Variants in PCTP observed in about 807,000 individuals in gnomAD.
The protein encoded by PCTP is phosphatidylcholine transfer protein, also known as START domain-containing protein 2.
In PCTP, 27 loss-of-function variants were observed where a neutral mutation model predicts 31.0. That is an observed-to-expected ratio of 0.87 (90% confidence interval 0.64 to 1.20). The LOEUF is 1.20. Among genes scored for constraint, PCTP ranks in the 50% most tolerant of loss-of-function variants. The pLI is 0.00. For synonymous variants in PCTP, 108 were observed against 101.2 expected, an observed-to-expected ratio of 1.07 and a Z score of -0.40; for missense variants, 287 against 268.2, an observed-to-expected ratio of 1.07 and a Z score of -0.49.
chr17:55,839,919 CAAAAAAA>C (rs57402824), intron 5 of PCTP, among the ~76,000 whole-genome samples: 5 of 12,506 alleles, frequency 4.0e-4, no homozygotes, highest in Non-Finnish European at 6.5e-4. Context: ...GACTCAGTCT[CAAAAAAA>C]AAAAAAAAAA....
intron 1 of PCTP, among the ~76,000 whole-genome samples, chr17:55,763,375 A>G (rs548500288): frequency 2.6e-5 from 4 of 152,186 alleles, no homozygotes; most frequent in Non-Finnish European, 5.9e-5. Flanking sequence ...AAGGTTTGTA[A>G]AAAGTATAAA....
intron 5 of PCTP, among the ~76,000 whole-genome samples, chr17:55,831,676 G>A (rs1249564974): frequency 6.6e-6 from 1 of 152,166 alleles, no homozygotes; most frequent in Non-Finnish European, 1.5e-5. Flanking sequence ...CTGTTCCAAC[G>A]TCAAGTTTAC....
chr17:55,819,079 C>T (rs977832604), intron 3 of PCTP, among the ~76,000 whole-genome samples: 11 of 143,674 alleles, frequency 7.7e-5, no homozygotes, highest in South Asian at 4.4e-4. Flanking sequence ...AAGAAAACAG[C>T]GGCATTGTTG....
At chr17:55,848,156 C>T in the PCTP span, among the ~76,000 whole-genome samples, 1 of 152,166 alleles carries the variant, frequency 6.6e-6, no homozygotes, top group Non-Finnish European at 1.5e-5. Context: ...AACTCTTGAC[C>T]TCCTCAGCCT....
At chr17:55,828,714 G>A (rs189310698) in intron 5 of PCTP, among the ~76,000 whole-genome samples, 73 of 152,298 alleles carry the variant, frequency 4.8e-4, no homozygotes, top group African/African-American at 1.7e-3. Context: ...CTGGCTTCTG[G>A]GTGATGGAGC....
chr17:55,813,122 G>A (rs865780527), intron 3 of PCTP, among the ~76,000 whole-genome samples: 7 of 152,218 alleles, frequency 4.6e-5, no homozygotes, highest in Middle Eastern at 6.8e-3. Context: ...ATGAGGTTTC[G>A]TTTTATATCC....
intron 5 of PCTP, chr17:55,775,489 G>A (rs1567717645): frequency 8.3e-7 from 1 of 1,211,824 alleles, no homozygotes; most frequent in East Asian, 3.2e-5. Context: ...TCCTGGCTCT[G>A]CTACTGACTG....
intron 2 of PCTP, among the ~76,000 whole-genome samples, chr17:55,784,707 C>A (rs1273912543): frequency 6.6e-6 from 1 of 152,110 alleles, no homozygotes; most frequent in Non-Finnish European, 1.5e-5. Context: ...TACCATTTAC[C>A]ATCACTATGA....
At chr17:55,845,890 GT>G (rs879462561), downstream of PCTP, among the ~76,000 whole-genome samples, 65 of 115,084 alleles carry the variant, frequency 5.6e-4, no homozygotes, top group Non-Finnish European at 7.4e-4. Context: ...GGGTTGGGGT[GT>G]GTGTGTGTGT....
Position 55,751,250 on chromosome 17 carries a change from G to C in PCTP, c.141+6G>C, listed in dbSNP as rs1448421886. ...TCTACCGGCTGCTGGACAAGGTAGC[G>C]GCCAACCCGCTGGAGGACCGCGGGG... On this transcript the variant is annotated splice_donor_region_variant and intron_variant, in intron 1 of 5. Transcript: ENST00000268896. 8 of 1,534,898 alleles carry C rather than the reference G, an allele frequency of 5.2e-6. No homozygotes were observed. Among genetic ancestry groups the C allele is most frequent in the Middle Eastern group, 1.7e-4 (1 of 5,840 alleles).
chr17:55,835,569 T>C (rs1567734925), intron 5 of PCTP, among the ~76,000 whole-genome samples: 1 of 152,242 alleles, frequency 6.6e-6, no homozygotes, highest in Non-Finnish European at 1.5e-5. Context: ...GATAGAAACT[T>C]AAATATGGAG....
intron 3 of PCTP, among the ~76,000 whole-genome samples, chr17:55,814,130 C>T (rs897490846): frequency 1.3e-4 from 20 of 151,710 alleles, no homozygotes; most frequent in African/African-American, 4.8e-4. Context: ...TCTTTCCTTT[C>T]TTAATTTTGC....
rs867537816 is a variant in PCTP at position 55,767,436 on chromosome 17, G to A, written c.243G>A (p.Trp81Ter). 4 of 1,603,766 alleles carry A rather than the reference G, an allele frequency of 2.5e-6. No individual in the cohort carries two copies. The highest frequency in any genetic ancestry group is 3.4e-6 in the Non-Finnish European group (4 of 1,171,786). The change falls in exon 2 of 6, where the codon TGG becomes TGA. Residue 81 changes from tryptophan to a stop codon, truncating the protein, a stop_gained. Transcript: ENST00000268896. LOFTEE classifies it high-confidence loss of function. The stretch of plus-strand genomic sequence containing the variant: ...TGGACTCAGATTACAGAAAACAATG[G>A]GACCAGTATGTTAAAGGTGAGTGAT... ...IYMDSDYRKQ[W>*]DQYVKELYEQ...
At chr17:55,809,162 A>G (rs1367950764) in intron 3 of PCTP, among the ~76,000 whole-genome samples, 1 of 152,330 alleles carries the variant, frequency 6.6e-6, no homozygotes, top group African/African-American at 2.4e-5. Context: ...GACATGAAAA[A>G]ATAATATTTA....
At chr17:55,760,496 A>G (rs903365690) in intron 1 of PCTP, among the ~76,000 whole-genome samples, 4 of 152,202 alleles carry the variant, frequency 2.6e-5, no homozygotes, top group African/African-American at 9.7e-5. Context: ...TAGTAGTGGA[A>G]GAGGTTAGAT....
intron 1 of PCTP, among the ~76,000 whole-genome samples, chr17:55,764,729 G>C (rs2912556): frequency 0.64 from 97,565 of 152,080 alleles, 36,332 homozygotes; most frequent in East Asian, 0.87. Flanking sequence ...GATTCAGCAT[G>C]TTTATTCCTT....
intron 3 of PCTP, among the ~76,000 whole-genome samples, chr17:55,789,059 A>G (rs1597998436): frequency 6.6e-6 from 1 of 152,172 alleles, no homozygotes; most frequent in Non-Finnish European, 1.5e-5. Context: ...GATTTTTCTT[A>G]TTCCTAAAAT....
intron 1 of PCTP, among the ~76,000 whole-genome samples, chr17:55,756,888 C>T (rs1456414875): frequency 6.6e-6 from 1 of 152,156 alleles, no homozygotes; most frequent in Admixed American, 6.5e-5. Context: ...AGGAGGCCCA[C>T]AGGACTGGAG....
chr17:55,802,805 A>G (rs1912431615), intron 3 of PCTP, among the ~76,000 whole-genome samples: 2 of 152,340 alleles, frequency 1.3e-5, no homozygotes, highest in Admixed American at 1.3e-4. Context: ...GAAAACTGGC[A>G]CAAGACAAGG....
Sources: allele counts gnomAD v4.1 joint callset (sites outside exome capture counted in the v4.1 genomes callset), GRCh38; gene constraint gnomAD v4.1.1; transcripts MANE v1.5; gene names NCBI Gene and HGNC (gene_info 2026-07-23, HGNC 2026-07-21).